The following TSPEAR variants were observed in gnomAD, a reference collection of about 807,000 sequenced individuals.
TSPEAR encodes the protein thrombospondin-type laminin G domain and EAR repeat-containing protein.
Under a neutral mutation model 71.6 loss-of-function variants are expected in TSPEAR, and 69 were observed. The observed-to-expected ratio is 0.96, with a 90% confidence interval of 0.79 to 1.18. The LOEUF (loss-of-function observed/expected upper bound fraction) is 1.18. Among genes scored for constraint, TSPEAR ranks in the 50% most tolerant of loss-of-function variants. TSPEAR has a pLI of 0.00. For synonymous variants in TSPEAR, 402 were observed against 387.2 expected (o/e 1.04, Z -0.45); for missense variants, 971 against 894.9 (o/e 1.09, Z -1.09).
At chr21:44,587,773 GA>G (rs1555925865) in intron 1 of TSPEAR, among the ~76,000 whole-genome samples, 1 of 152,160 alleles carries the variant, frequency 6.6e-6, no homozygotes, top group Non-Finnish European at 1.5e-5. Flanking sequence ...ATAAAGTGGG[GA>G]AAGGACACTC....
intron 2 of TSPEAR, among the ~76,000 whole-genome samples, chr21:44,540,541 G>T (rs2053202217): frequency 6.6e-6 from 1 of 152,156 alleles, no homozygotes; most frequent in African/African-American, 2.4e-5. Context: ...GCAAAGTGTG[G>T]CATGCCAGGG....
chr21:44,651,173 C>T (rs367803344), intron 1 of TSPEAR, among the ~76,000 whole-genome samples: 2 of 152,084 alleles, frequency 1.3e-5, no homozygotes, highest in Non-Finnish European at 2.9e-5. Flanking sequence ...AGAGTGAGGC[C>T]GAAGCCCTGG....
intron 1 of TSPEAR, among the ~76,000 whole-genome samples, chr21:44,678,421 G>A (rs587727790): frequency 5.9e-5 from 9 of 152,216 alleles, no homozygotes; most frequent in African/African-American, 2.2e-4. Context: ...GTGAAGCACT[G>A]GTGCCCCTTT....
At chr21:44,615,947 C>T (rs1185866869) in intron 1 of TSPEAR, among the ~76,000 whole-genome samples, 4 of 152,206 alleles carry the variant, frequency 2.6e-5, no homozygotes, top group Non-Finnish European at 5.9e-5. Flanking sequence ...CTACTTCAGG[C>T]GGGGCCGCCA....
At chr21:44,577,593 C>A (rs1483972751) in intron 1 of TSPEAR, among the ~76,000 whole-genome samples, 1 of 152,190 alleles carries the variant, frequency 6.6e-6, no homozygotes, top group African/African-American at 2.4e-5. Flanking sequence ...TGGCACCAAG[C>A]CACTCATGAG....
intron 1 of TSPEAR, among the ~76,000 whole-genome samples, chr21:44,652,215 C>T (rs1984847887): frequency 6.6e-6 from 1 of 152,196 alleles, no homozygotes; most frequent in African/African-American, 2.4e-5. Flanking sequence ...GATCTCCTGA[C>T]CTCGTGATCC....
At chr21:44,615,399 G>T (rs1306316532) in intron 1 of TSPEAR, among the ~76,000 whole-genome samples, 1 of 152,218 alleles carries the variant, frequency 6.6e-6, no homozygotes, top group Non-Finnish European at 1.5e-5. Context: ...CGCTGTAGCA[G>T]TTTGTGTAAA....
At chr21:44,654,870 C>CCG (rs1985046484) in intron 1 of TSPEAR, among the ~76,000 whole-genome samples, 1 of 152,114 alleles carries the variant, frequency 6.6e-6, no homozygotes. Context: ...GGAAACAGAG[C>CCG]AGGGGTAGCT....
At position 44,686,967 on chromosome 21, in the gene TSPEAR, G is replaced by A. The variant is rs559922415; in HGVS notation, c.82+24466C>T. Reference sequence around the variant, plus strand: ...GTGGAGCTTGACCCTGGGATGTCGGGAAGACGCTCTGGGAAAAGCTGTGGC... The same window carrying A: ...GTGGAGCTTGACCCTGGGATGTCGGAAAGACGCTCTGGGAAAAGCTGTGGC... On this transcript the variant is annotated intron_variant, in intron 1 of 11. Coordinates refer to ENST00000323084, the MANE Select transcript of TSPEAR (RefSeq NM_144991.3). 2.6e-5 allele frequency among the ~76,000 whole-genome samples: 4 copies of A among 152,342 alleles called. No individual in the cohort carries two copies. The South Asian group carries it at 8.3e-4, about 32-fold the overall frequency.
intron 9 of TSPEAR, chr21:44,519,786 T>G (rs1448092800): frequency 2.0e-5 from 3 of 152,262 alleles, no homozygotes; most frequent in African/African-American, 7.2e-5. Flanking sequence ...TCTGAGCCTC[T>G]GTGTCCTTGT....
chr21:44,689,325 AC>A (rs1324112114), intron 1 of TSPEAR, among the ~76,000 whole-genome samples: 1 of 151,840 alleles, frequency 6.6e-6, no homozygotes, highest in Admixed American at 6.6e-5. Context: ...ACACGGTGAA[AC>A]CCCGTCTCTA....
intron 1 of TSPEAR, 132 bp from the exon 2 acceptor site, chr21:44,568,137 C>A: frequency 1.9e-6 from 1 of 540,346 alleles, no homozygotes; most frequent in Non-Finnish European, 2.9e-6. Context: ...GAGCTGTGAA[C>A]CAAGGTTATC....
intron 2 of TSPEAR, among the ~76,000 whole-genome samples, chr21:44,552,987 T>C (rs1329093497): frequency 1.3e-5 from 2 of 152,202 alleles, no homozygotes; most frequent in African/African-American, 4.8e-5. Flanking sequence ...CGGCGTTCCC[T>C]AATGGAGTAT....
chr21:44,565,280 G>A (rs1555921603), intron 2 of TSPEAR, among the ~76,000 whole-genome samples: 1 of 152,014 alleles, frequency 6.6e-6, no homozygotes, highest in Non-Finnish European at 1.5e-5. Flanking sequence ...AGATTAAAGT[G>A]GAAATAAATA....
intron 1 of TSPEAR, among the ~76,000 whole-genome samples, chr21:44,703,074 GCC>G (rs1223490398): frequency 6.6e-6 from 1 of 152,008 alleles, no homozygotes; most frequent in African/African-American, 2.4e-5. Context: ...GGCCCCCCCT[GCC>G]CTTCTCCTCC....
At chr21:44,553,502 C>T (rs781827245) in intron 2 of TSPEAR, among the ~76,000 whole-genome samples, 2 of 150,992 alleles carry the variant, frequency 1.3e-5, no homozygotes, top group Non-Finnish European at 2.9e-5. Flanking sequence ...TTCCAAACGC[C>T]GAGGTAAAGG....
At chr21:44,510,137 T>G (rs2052326644) in intron 9 of TSPEAR, among the ~76,000 whole-genome samples, 1 of 152,162 alleles carries the variant, frequency 6.6e-6, no homozygotes, top group Non-Finnish European at 1.5e-5. Flanking sequence ...GCTGCAGGAC[T>G]GTCTGCATGT....
Position 44,702,483 on chromosome 21 carries a change from CTGCAAGCCTGTCTGT to C in TSPEAR, c.82+8935_82+8949del, listed in dbSNP as rs1204190867. The C allele has an allele frequency of 8.2e-5, 132 of 1,609,316 alleles. No individual in the cohort carries two copies. In the East Asian group the frequency reaches 1.4e-3, roughly 17 times the overall value. ...AGCAGTCCTGCTGTGTGCCCGTCTG[CTGCAAGCCTGTCTGT>C]TGCAAGCCCGTCTGCTGTGTGCCTG... is the stretch of plus-strand genomic sequence containing the variant. On this transcript the variant is annotated intron_variant, in intron 1 of 11. Transcript: ENST00000323084.
intron 9 of TSPEAR, chr21:44,517,694 G>A (rs1375359406): frequency 2.2e-6 from 1 of 463,872 alleles, no homozygotes; most frequent in African/African-American, 2.0e-5. Flanking sequence ...TGGGAGCCGT[G>A]CATGGCAGTG....
Sources: gnomAD v4.1 joint callset for allele counts (sites outside exome capture counted in the v4.1 genomes callset) on GRCh38, gnomAD v4.1.1 for gene constraint, MANE v1.5 for transcripts, NCBI Gene and HGNC (gene_info 2026-07-23, HGNC 2026-07-21) for gene names.